The following GPR137B variants were observed in gnomAD, a reference collection of about 807,000 sequenced individuals.
The protein encoded by GPR137B is G protein-coupled receptor 137B.
A neutral mutation model predicts 42.5 loss-of-function variants in GPR137B; 42 were observed. The observed-to-expected ratio is 0.99, with a 90% CI of 0.77 to 1.28. The LOEUF is 1.28. GPR137B is among the 50% of genes most tolerant of loss of function. GPR137B has a pLI of 0.00. For synonymous variants in GPR137B, 218 were observed against 209.7 expected, an observed-to-expected ratio of 1.04 and a Z score of -0.34; for missense variants, 487 against 493.9, an observed-to-expected ratio of 0.99 and a Z score of 0.13.
chr1:236,207,399 A>G lies in GPR137B; in HGVS notation c.1092-651A>G, dbSNP rs1663695061. 8.5e-6 allele frequency: 3 copies of G among 353,124 alleles called. No individual in the cohort carries two copies. In the East Asian group the frequency reaches 5.0e-4, roughly 59 times the overall value. The allele number at this position is 353,124 out of a possible 1,614,324, so 21.9% of individuals were successfully genotyped here. On this transcript the variant is annotated intron_variant, in intron 6 of 6. Coordinates refer to ENST00000366592, the MANE Select transcript of GPR137B (RefSeq NM_003272.4). The stretch of plus-strand genomic sequence containing the variant: ...AAAACTGTTCTTTTCCAGTTACCCC[A>G]CTGCATCTCCTATTAGTTGCTTTCC...
At chr1:236,167,983 A>G (rs1662409047) in intron 1 of GPR137B, among the ~76,000 whole-genome samples, 1 of 152,262 alleles carries the variant, frequency 6.6e-6, no homozygotes, top group Non-Finnish European at 1.5e-5. Flanking sequence ...TCTGTTTCAG[A>G]AAACAGTCCA....
At chr1:236,157,583 C>T (rs1051283960) in intron 1 of GPR137B, among the ~76,000 whole-genome samples, 2 of 152,150 alleles carry the variant, frequency 1.3e-5, no homozygotes, top group Non-Finnish European at 2.9e-5. Flanking sequence ...CCGGTTGTGG[C>T]CTGTTATATA....
At chr1:236,174,111 C>T (rs114022251) in intron 2 of GPR137B, among the ~76,000 whole-genome samples, 1 of 152,146 alleles carries the variant, frequency 6.6e-6, no homozygotes, top group Non-Finnish European at 1.5e-5. Flanking sequence ...AAGTTGATGT[C>T]TATATTGCAT....
intron 1 of GPR137B, among the ~76,000 whole-genome samples, chr1:236,162,782 G>T (rs1662236585): frequency 6.6e-6 from 1 of 152,244 alleles, no homozygotes; most frequent in South Asian, 2.1e-4. Context: ...TCCAGAAGAT[G>T]TATGGAAATG....
intron 1 of GPR137B, among the ~76,000 whole-genome samples, chr1:236,164,350 C>T (rs920385216): frequency 6.6e-6 from 1 of 152,198 alleles, no homozygotes; most frequent in African/African-American, 2.4e-5. Context: ...CATTCTTGTA[C>T]ATCTGGGGAC....
At chr1:236,177,432 A>G (rs1282595024) in intron 2 of GPR137B, among the ~76,000 whole-genome samples, 1 of 152,164 alleles carries the variant, frequency 6.6e-6, no homozygotes, top group Non-Finnish European at 1.5e-5. Context: ...TAGTCTTTCC[A>G]TAGATTTTAC....
intron 5 of GPR137B, 70 bp from the exon 6 acceptor site, chr1:236,205,054 AAG>A (rs1229106287): frequency 1.0e-5 from 13 of 1,287,492 alleles, no homozygotes; most frequent in Middle Eastern, 1.9e-4. Flanking sequence ...TCCTACAAGA[AAG>A]AGATCTTATT....
intron 1 of GPR137B, among the ~76,000 whole-genome samples, chr1:236,157,813 C>G (rs1662076210): frequency 6.6e-6 from 1 of 152,156 alleles, no homozygotes; most frequent in Non-Finnish European, 1.5e-5. Flanking sequence ...ACCCATGCTG[C>G]CCAGGGGCCA....
rs116926441 is a variant in GPR137B, at chr1:236,169,585, A to G, written c.464+830A>G. ...AACATGGACACCGGGAGGCATGGAC[A>G]TTTTGTGGAAGAGAGGCTTGTGCCA... On this transcript the variant is annotated intron_variant, in intron 2 of 6. Transcript: ENST00000366592. Among the ~76,000 whole-genome samples the G allele has an allele frequency of 1.4e-3, 219 of 152,304 alleles. 4 individuals carry two copies. The East Asian group carries it at 0.039, about 27-fold the overall frequency.
At chr1:236,183,207 C>T (rs922413423) in intron 4 of GPR137B, among the ~76,000 whole-genome samples, 1 of 152,152 alleles carries the variant, frequency 6.6e-6, no homozygotes, top group African/African-American at 2.4e-5. Context: ...TTTTTCTAGA[C>T]AAGCTAGCCT....
At position 236,179,921 on chromosome 1, in the gene GPR137B, A is replaced by T. The variant is rs766261452; in HGVS notation, c.730A>T (p.Ile244Leu). The change falls in exon 4 of 7, where the codon ATA becomes TTA. Residue 244 changes from isoleucine (I) to leucine (L), a missense_variant. Physicochemically the swap from Ile to Leu is conservative, Grantham distance 5. Coordinates refer to ENST00000366592, the MANE Select transcript of GPR137B (RefSeq NM_003272.4). ...CQVTAIGVTV[I>L]LLYTSRACYN... is the part of the protein sequence containing the mutation. ...AGTGACTGCCATCGGTGTCACCGTG[A>T]TACTGCTTTACACCTCTCGGGCCTG... The T allele has an allele frequency of 6.2e-7, 1 of 1,608,250 alleles. No individual in the cohort carries two copies. The highest frequency in any genetic ancestry group is 8.5e-7 in the Non-Finnish European group (1 of 1,177,370).
chr1:236,179,634 C>T (rs549630702), intron 3 of GPR137B, among the ~76,000 whole-genome samples: 24 of 152,266 alleles, frequency 1.6e-4, no homozygotes, highest in African/African-American at 4.6e-4. Flanking sequence ...CTCTAGGCCA[C>T]GGGAAAATGG....
chr1:236,146,290 A>G (rs1279478326), intron 1 of GPR137B, among the ~76,000 whole-genome samples: 1 of 152,192 alleles, frequency 6.6e-6, no homozygotes, highest in Non-Finnish European at 1.5e-5. Context: ...GCGGCACTGA[A>G]GGGAATGGTT....
chr1:236,152,586 A>G (rs1439710911), intron 1 of GPR137B, among the ~76,000 whole-genome samples: 1 of 152,006 alleles, frequency 6.6e-6, no homozygotes, highest in Admixed American at 6.6e-5. Flanking sequence ...GTGAAACCCC[A>G]TCTCTACCAA....
chr1:236,207,153 A>T (rs1663686893), intron 6 of GPR137B: 1 of 985,176 alleles, frequency 1.0e-6, no homozygotes, highest in South Asian at 4.7e-5. Flanking sequence ...ACTGAAGAAA[A>T]GCTGGGAGAA....
intron 5 of GPR137B, among the ~76,000 whole-genome samples, chr1:236,193,598 G>A (rs147745125): frequency 0.01 from 1,575 of 152,180 alleles, 27 homozygotes; most frequent in African/African-American, 0.035. Flanking sequence ...TTTGGCTTCT[G>A]ATGTATATTT....
chr1:236,162,687 C>T (rs1662234821), intron 1 of GPR137B, among the ~76,000 whole-genome samples: 1 of 152,200 alleles, frequency 6.6e-6, no homozygotes, highest in African/African-American at 2.4e-5. Flanking sequence ...GGGTGGAAGC[C>T]CCAAGCCTTG....
chr1:236,143,917 T>C (rs984004045), intron 1 of GPR137B, among the ~76,000 whole-genome samples: 6 of 152,148 alleles, frequency 3.9e-5, no homozygotes, highest in African/African-American at 1.2e-4. Flanking sequence ...GTCATCATCG[T>C]CATCATCATC....
intron 5 of GPR137B, among the ~76,000 whole-genome samples, chr1:236,200,822 C>G (rs996315145): frequency 6.6e-6 from 1 of 151,810 alleles, no homozygotes; most frequent in African/African-American, 2.4e-5. Flanking sequence ...TTAAATGGAG[C>G]ATTTAGGCCA....
Sources: allele counts gnomAD v4.1 joint callset (sites outside exome capture counted in the v4.1 genomes callset), GRCh38; gene constraint gnomAD v4.1.1; transcripts MANE v1.5; gene names NCBI Gene and HGNC (gene_info 2026-07-23, HGNC 2026-07-21).